SLC38A3: variants seen among roughly 807,000 people sequenced by gnomAD.
SLC38A3 encodes sodium-coupled neutral amino acid transporter 3.
In SLC38A3, 17 loss-of-function variants were observed where a neutral mutation model predicts 59.5. The observed-to-expected ratio is 0.29, with a 90% confidence interval of 0.20 to 0.43. SLC38A3 has a LOEUF of 0.43. SLC38A3 is among the 20% of genes least tolerant of loss of function. SLC38A3 has a pLI of 1.00. For missense variants in SLC38A3, 454 were observed against 653.9 expected (o/e 0.69, Z 3.33); for synonymous variants, 238 against 260.3 (o/e 0.91, Z 0.82).
chr3:50,211,151 AGCC>A (rs1699720707), intron 1 of SLC38A3, among the ~76,000 whole-genome samples: 1 of 152,174 alleles, frequency 6.6e-6, no homozygotes, highest in Non-Finnish European at 1.5e-5. Flanking sequence ...CTTATGCAGG[AGCC>A]CTTCCCTGAG....
chr3:50,217,848 CAG>C lies in SLC38A3; in HGVS notation c.855+9_855+10del. On this transcript the variant is annotated intron_variant, in intron 10 of 15. Transcript: ENST00000614032. This position sits in a 1 kb window ranked among gnomAD's most constrained non-coding sequence, Gnocchi z 4.9. ...TTCACGCTCAACTCACAGGTTCTGA[CAG>C]GTCAGGGCAAGGCGGGGGCCCAATG... 2 of 1,614,068 alleles carry C rather than the reference CAG, an allele frequency of 1.2e-6. No individual in the cohort carries two copies. Among genetic ancestry groups the C allele is most frequent in the Non-Finnish European group, 1.7e-6 (2 of 1,179,912 alleles).
Position 50,214,317 on chromosome 3 carries a change from C to G in SLC38A3, c.101+17C>G. 1 of 1,612,930 alleles carries G rather than the reference C, an allele frequency of 6.2e-7. No individual in the cohort carries two copies. The highest frequency in any genetic ancestry group is 1.1e-5 in the South Asian group (1 of 90,944). ...CAACCAGAGGTGAGTACCAGAGGGACCCAGTGGTGGCTGAAGACAGGGCAG... is the reference window on the plus strand; with the variant it reads ...CAACCAGAGGTGAGTACCAGAGGGAGCCAGTGGTGGCTGAAGACAGGGCAG... On this transcript the variant is annotated intron_variant, in intron 2 of 15. Coordinates refer to ENST00000614032, the MANE Select transcript of SLC38A3 (RefSeq NM_006841.6). The surrounding 1 kb of genome is among the most constrained non-coding windows in gnomAD (Gnocchi z 6.0).
chr3:50,218,023 G>T lies in SLC38A3; in HGVS notation c.935+27G>T. 1 of 1,608,106 alleles carries T rather than the reference G, an allele frequency of 6.2e-7. No homozygotes were observed. Among genetic ancestry groups the T allele is most frequent in the Non-Finnish European group, 8.5e-7 (1 of 1,174,902 alleles). On this transcript the variant is annotated intron_variant, in intron 11 of 15. Transcript: ENST00000614032. This position sits in a 1 kb window ranked among gnomAD's most constrained non-coding sequence, Gnocchi z 5.8. ...TAGGTGTCTGTGGCTGGGAGTGGGG[G>T]TGGGGATGCCCTGAGCTGGTTTGGG...
rs778892127 is a variant in SLC38A3 at position 50,215,852 on chromosome 3, G to A, written c.548+31G>A. ...CCCTGGCGTGGGGAGGGGAGGGGAGGGGTGCGGTGCAGTGAGGAGGGGTGG... is the reference window on the plus strand; with the variant it reads ...CCCTGGCGTGGGGAGGGGAGGGGAGAGGTGCGGTGCAGTGAGGAGGGGTGG... On this transcript the variant is annotated intron_variant, in intron 7 of 15. Coordinates refer to ENST00000614032, the MANE Select transcript of SLC38A3 (RefSeq NM_006841.6). The surrounding 1 kb of genome is among the most constrained non-coding windows in gnomAD (Gnocchi z 7.1). The A allele has an allele frequency of 9.9e-6, 12 of 1,210,032 alleles. No homozygotes were observed. The East Asian group carries it at 3.1e-4, about 31-fold the overall frequency. 75.0% of individuals were successfully genotyped at this position (1,210,032 alleles called of 1,614,324 possible).
intron 1 of SLC38A3, among the ~76,000 whole-genome samples, chr3:50,206,549 A>G (rs1186590984): frequency 2.0e-5 from 3 of 152,256 alleles, no homozygotes; most frequent in Non-Finnish European, 4.4e-5. Flanking sequence ...AGATGGTTCC[A>G]TTTTGAATGG....
At chr3:50,206,004 G>A (rs1191866802) in intron 1 of SLC38A3, among the ~76,000 whole-genome samples, 1 of 152,246 alleles carries the variant, frequency 6.6e-6, no homozygotes, top group Non-Finnish European at 1.5e-5. Context: ...CCTGAGGCCG[G>A]GGCGCCGTGC....
Position 50,217,055 on chromosome 3 carries a change from G to A in SLC38A3, c.549-183G>A, listed in dbSNP as rs200352715. On this transcript the variant is annotated intron_variant, in intron 7 of 15. Coordinates refer to ENST00000614032, the MANE Select transcript of SLC38A3 (RefSeq NM_006841.6). This position sits in a 1 kb window ranked among gnomAD's most constrained non-coding sequence, Gnocchi z 4.9. ...CCCAAAGTGCTGGGATTACAGGCGT[G>A]AACCACCGCGCCCAGCTGGGCATGC... Among the ~76,000 whole-genome samples, 4 of 152,236 alleles carry A rather than the reference G, an allele frequency of 2.6e-5. No individual in the cohort carries two copies. The East Asian group carries it at 7.7e-4, about 29-fold the overall frequency.
At chr3:50,216,756 C>CTTTGTTTTGT (rs3831498) in intron 7 of SLC38A3, among the ~76,000 whole-genome samples, 10,947 of 150,736 alleles carry the variant, frequency 0.073, 831 homozygotes, top group African/African-American at 0.19. Context: ...AAGGCACGCC[C>CTTTGTTTTGT]TTTGTTTTGT....
In SLC38A3 at chr3:50,215,070, G is replaced by C. The variant is rs1699797373; in HGVS notation, c.299+302G>C. ...CTTGTGTGGGCACACGTGTCCTTTG[G>C]CTGGGGGCTCTGCCCTGAAGCCAGA... On this transcript the variant is annotated intron_variant, in intron 4 of 15. Transcript: ENST00000614032. The surrounding 1 kb of genome is among the most constrained non-coding windows in gnomAD (Gnocchi z 7.1). 6.6e-6 allele frequency among the ~76,000 whole-genome samples: 1 copy of C among 152,270 alleles called. No homozygotes were observed. Among genetic ancestry groups the C allele is most frequent in the East Asian group, 1.9e-4 (1 of 5,198 alleles).
chr3:50,218,427 G>C lies in SLC38A3; in HGVS notation c.1036+57G>C. 1 of 1,524,926 alleles carries C rather than the reference G, an allele frequency of 6.6e-7. No homozygotes were observed. Among genetic ancestry groups the C allele is most frequent in the Non-Finnish European group, 9.1e-7 (1 of 1,099,440 alleles). 94.5% of individuals were successfully genotyped at this position (1,524,926 alleles called of 1,614,324 possible). ...CTAGGCTGGGGGGAAGGGGCTGGTT[G>C]TGGCCATGGTGCCCTCCATACCGAG... On this transcript the variant is annotated intron_variant, in intron 12 of 15. Transcript: ENST00000614032. This position sits in a 1 kb window ranked among gnomAD's most constrained non-coding sequence, Gnocchi z 5.8.
At chr3:50,219,004 T>C (rs1699863783) in intron 14 of SLC38A3, 56 bp downstream of exon 14, 1 of 1,577,436 alleles carries the variant, frequency 6.3e-7, no homozygotes, top group South Asian at 1.1e-5. Flanking sequence ...ATTTCAACTC[T>C]GCAAATCCTG....
rs920132285 is a variant in SLC38A3 at position 50,215,019 on chromosome 3, G to A, written c.299+251G>A. 57 of 579,048 alleles carry A rather than the reference G, an allele frequency of 9.8e-5. No individual in the cohort carries two copies. The African/African-American group carries it at 1.0e-3, about 10-fold the overall frequency. The allele number at this position is 579,048 out of a possible 1,614,324, so 35.9% of individuals were successfully genotyped here. On this transcript the variant is annotated intron_variant, in intron 4 of 15. Transcript: ENST00000614032. This position sits in a 1 kb window ranked among gnomAD's most constrained non-coding sequence, Gnocchi z 7.1. ...AGACTGTCCTTTTGGCACCTTACAC[G>A]TGATGGCCAAGCCCCACGGCCAGGC...
In SLC38A3 at chr3:50,210,352, T is replaced by C. The variant is rs112357700; in HGVS notation, c.-51-3797T>C. ...ACCCTCAAGCCAGGCCAGCTGTCTC[T>C]CTCCTGAGATCTTGGCGGAGGTCAG... On this transcript the variant is annotated intron_variant, in intron 1 of 15. Transcript: ENST00000614032. 2.0e-3 allele frequency among the ~76,000 whole-genome samples: 303 copies of C among 152,176 alleles called. 1 individual carries two copies. Among genetic ancestry groups the C allele is most frequent in the African/African-American group, 6.9e-3 (286 of 41,498 alleles).
rs1450319226 is a variant in SLC38A3, at chr3:50,214,277, C to A, written c.78C>A (p.Ile26=). 6.2e-7 allele frequency: 1 copy of A among 1,613,946 alleles called. No homozygotes were observed. The highest frequency in any genetic ancestry group is 8.5e-7 in the Non-Finnish European group (1 of 1,179,856). The change falls in exon 2 of 16, where the codon ATC becomes ATA. Residue 26 remains isoleucine (I), a synonymous_variant. Coordinates refer to ENST00000614032, the MANE Select transcript of SLC38A3 (RefSeq NM_006841.6). This position sits in a 1 kb window ranked among gnomAD's most constrained non-coding sequence, Gnocchi z 6.0. ...ACTCAGAGGGGCTGCTCCCGGTCAT[C>A]ACCCCCATGGCAGGCAACCAGAGGT... ...GKHSEGLLPV[I]TPMAGNQRVE... is the part of the protein sequence containing the mutation.
Position 50,218,270 on chromosome 3 carries a change from C to T in SLC38A3, c.936C>T (p.Asp312=), listed in dbSNP as rs1490853346. ...CACCCACCCCCCCACTTCCCCACAGCCCCTCCAAGAAGAAGATGCAGCACA... is the reference window on the plus strand; with the variant it reads ...CACCCACCCCCCCACTTCCCCACAGTCCCTCCAAGAAGAAGATGCAGCACA... ...EVLPIYTELK[D]PSKKKMQHIS... Residue 312 remains aspartate (D), a splice_region_variant and synonymous_variant, in exon 12 of 16, where the codon GAC becomes GAT. Transcript: ENST00000614032. This position sits in a 1 kb window ranked among gnomAD's most constrained non-coding sequence, Gnocchi z 5.8. 2 of 1,587,668 alleles carry T rather than the reference C, an allele frequency of 1.3e-6. No individual in the cohort carries two copies.
At chr3:50,208,261 CTTT>C (rs11293008) in intron 1 of SLC38A3, among the ~76,000 whole-genome samples, 38 of 129,922 alleles carry the variant, frequency 2.9e-4, no homozygotes, top group Admixed American at 6.4e-4. Flanking sequence ...AGCTTTCTCT[CTTT>C]TTTTTTTTTT....
In SLC38A3 at chr3:50,217,022, C is replaced by T. The variant is rs1699828620; in HGVS notation, c.549-216C>T. On this transcript the variant is annotated intron_variant, in intron 7 of 15. Coordinates refer to ENST00000614032, the MANE Select transcript of SLC38A3 (RefSeq NM_006841.6). This position sits in a 1 kb window ranked among gnomAD's most constrained non-coding sequence, Gnocchi z 4.9. ...ACTCCTGACCTGATGATCCACCCACCTCAGCCTCCCAAAGTGCTGGGATTA... is the reference window on the plus strand; with the variant it reads ...ACTCCTGACCTGATGATCCACCCACTTCAGCCTCCCAAAGTGCTGGGATTA... Among the ~76,000 whole-genome samples the T allele has an allele frequency of 6.6e-6, 1 of 152,226 alleles. No individual in the cohort carries two copies. The highest frequency in any genetic ancestry group is 6.5e-5 in the Admixed American group (1 of 15,286).
At chr3:50,212,265 C>G (rs1699742394) in intron 1 of SLC38A3, among the ~76,000 whole-genome samples, 2 of 152,214 alleles carry the variant, frequency 1.3e-5, no homozygotes, top group South Asian at 4.1e-4. Context: ...AGACTGCCAG[C>G]TCAGCACACT....
chr3:50,206,085 A>G (rs922586139), intron 1 of SLC38A3, among the ~76,000 whole-genome samples: 5 of 152,332 alleles, frequency 3.3e-5, no homozygotes, highest in African/African-American at 9.6e-5. Context: ...GAGAGAAGGA[A>G]CCAAGACTTG....
Sources: allele counts gnomAD v4.1 joint callset (sites outside exome capture counted in the v4.1 genomes callset), GRCh38; gene constraint gnomAD v4.1.1; non-coding constraint Gnocchi (gnomAD v3.1); transcripts MANE v1.5; gene names NCBI Gene and HGNC (gene_info 2026-07-23, HGNC 2026-07-21).